Variants in GEMIN4 observed in about 807,000 individuals in gnomAD.
The protein encoded by GEMIN4 is gem nuclear organelle associated protein 4, also known as gem-associated protein 4.
A neutral mutation model predicts 76.8 loss-of-function variants in GEMIN4; 59 were observed. That is an observed-to-expected ratio of 0.77 (90% CI 0.62 to 0.95). GEMIN4 has a LOEUF of 0.95. Ranked by LOEUF, GEMIN4 falls within the 40% of genes least tolerant of loss-of-function variation. The pLI is 0.00. For missense variants in GEMIN4, 1,311 were observed against 1,318.9 expected (o/e 0.99, Z 0.09); for synonymous variants, 562 against 559.7 (o/e 1.00, Z -0.06).
At chr17:751,285 G>A (rs965819222) in intron 1 of GEMIN4, among the ~76,000 whole-genome samples, 1 of 152,140 alleles carries the variant, frequency 6.6e-6, no homozygotes, top group Admixed American at 6.6e-5. Context: ...ATTTGCTGAG[G>A]GTGTCCCAGC....
Position 745,526 on chromosome 17 carries a change from G to A in GEMIN4, c.2517C>T (p.Asp839=), listed in dbSNP as rs758986493. The A allele has an allele frequency of 1.1e-5, 18 of 1,612,172 alleles. No individual in the cohort carries two copies. The highest frequency in any genetic ancestry group is 1.6e-4 in the Middle Eastern group (1 of 6,062). The change falls in exon 2 of 2, where the codon GAC becomes GAT. Residue 839 remains aspartate (D), a synonymous_variant. Coordinates refer to ENST00000319004, the MANE Select transcript of GEMIN4 (RefSeq NM_015721.3). The surrounding 1 kb of genome is among the most constrained non-coding windows in gnomAD (Gnocchi z 4.6). ...GTCTGACCTCCTCAGGATTGCCCAC[G>A]TCCACCACCAAGAGAGACAGCATCC... ...SERMLSLLVV[D]VGNPEEVRLF...
chr17:747,811 G>A lies in GEMIN4; in HGVS notation c.232C>T (p.Leu78=). ...GACGGGGTCACGGGGTGCGGCTGCA[G>A]AACCTTGGCCCAGATGATGATCAGG... ...KALIIIWAKV[L]QPHPVTPSDT... Residue 78 remains leucine (L), a synonymous_variant, in exon 2 of 2, where the codon CTG becomes TTG. Transcript: ENST00000319004. The A allele has an allele frequency of 1.2e-6, 2 of 1,613,664 alleles. No homozygotes were observed.
chr17:744,597 G>A lies in GEMIN4; in HGVS notation c.*269C>T. On this transcript the variant is annotated 3_prime_UTR_variant, in exon 2 of 2. Coordinates refer to ENST00000319004, the MANE Select transcript of GEMIN4 (RefSeq NM_015721.3). ...TATTTAATCCTGGGCTATTGCTGAG[G>A]CCGACTTAGAAGAGACAAAGTGAGA... The A allele has an allele frequency of 2.9e-6, 1 of 345,146 alleles. No individual in the cohort carries two copies. Among genetic ancestry groups the A allele is most frequent in the Admixed American group, 4.4e-5 (1 of 22,770 alleles). 21.4% of individuals were successfully genotyped at this position (345,146 alleles called of 1,614,324 possible). A position where few individuals can be genotyped will look rare whatever the true frequency, so the allele number is the denominator to read the frequency against.
At chr17:748,148 G>T in intron 1 of GEMIN4, 116 bp from the exon 2 acceptor site, 1 of 772,146 alleles carries the variant, frequency 1.3e-6, no homozygotes. Context: ...ATCAGCGGAC[G>T]GGGAGAAGGG....
rs200379895 is a variant in GEMIN4 at position 744,975 on chromosome 17, C to T, written c.3068G>A (p.Ser1023Asn). Residue 1023 changes from serine to asparagine, a missense_variant, in exon 2 of 2, where the codon AGC (serine) becomes AAC (asparagine). Ser to Asn is a conservative substitution (Grantham distance 46). Around this residue, in one of 2 missense-constraint regions of GEMIN4, gnomAD observed 1,208 missense variants for 1,166.9 expected, o/e 1.04. Coordinates refer to ENST00000319004, the MANE Select transcript of GEMIN4 (RefSeq NM_015721.3). ...CTCGTGTGCCCTCTGGAGCAAGGAGCTGACAGAAGGGTTGGTCTTGCTCAA... is the reference window on the plus strand; with the variant it reads ...CTCGTGTGCCCTCTGGAGCAAGGAGTTGACAGAAGGGTTGGTCTTGCTCAA... ...ETLSKTNPSV[S>N]SLLQRAHEQR... 476 of 1,613,942 alleles carry T rather than the reference C, an allele frequency of 2.9e-4. No homozygotes were observed. Among genetic ancestry groups the T allele is most frequent in the Non-Finnish European group, 3.8e-4 (453 of 1,179,876 alleles).
upstream of GEMIN4, chr17:752,833 T>G (rs1255831306): frequency 6.4e-6 from 1 of 156,256 alleles, no homozygotes; most frequent in Non-Finnish European, 1.4e-5. Context: ...TAACAGCCAC[T>G]CCAACTCTCC....
intron 1 of GEMIN4, chr17:748,635 T>A (rs1904419900): frequency 4.6e-6 from 1 of 218,410 alleles, no homozygotes; most frequent in Admixed American, 5.4e-5. Context: ...TCATGACAGA[T>A]GAAGGGAGCA....
In GEMIN4 at chr17:746,400, G is replaced by A. The variant is rs775841183; in HGVS notation, c.1643C>T (p.Ser548Phe). ...SEQGLAKAVASVARLVIVHPE... is the reference protein window; with the variant it reads ...SEQGLAKAVAFVARLVIVHPE... ...GTGCACTATGACCAGGCGGGCCACG[G>A]AGGCCACAGCTTTTGCCAAGCCCTG... The change falls in exon 2 of 2, where the codon TCC becomes TTC. Residue 548 changes from serine to phenylalanine, a missense_variant. Ser to Phe is a radical substitution (Grantham distance 155, BLOSUM62 -2). This residue lies in a region of GEMIN4 where 1,208 missense variants were observed against 1,166.9 expected (regional missense o/e 1.04). Transcript: ENST00000319004. The surrounding 1 kb of genome is among the most constrained non-coding windows in gnomAD (Gnocchi z 4.3). 3.7e-6 allele frequency: 6 copies of A among 1,613,800 alleles called. No individual in the cohort carries two copies. In the East Asian group the frequency reaches 1.3e-4, roughly 36 times the overall value.
rs1038623559 is a variant in GEMIN4, at chr17:745,021, T to C, written c.3022A>G (p.Thr1008Ala). The change falls in exon 2 of 2, where the codon ACC (threonine) becomes GCC (alanine). Residue 1008 changes from threonine to alanine, a missense_variant. By Grantham distance (58) the Thr-to-Ala change is moderately conservative (BLOSUM62 0). Transcript: ENST00000319004. This position sits in a 1 kb window ranked among gnomAD's most constrained non-coding sequence, Gnocchi z 4.6. ...CTCAAAGTCTCATAGCAGGTGAGGG[T>C]TTCCAAGGCTAAAACGTAGAGTGGC... ...CEPLYVLALE[T>A]LTCYETLSKT... The C allele has an allele frequency of 1.9e-6, 3 of 1,613,478 alleles. No individual in the cohort carries two copies. The Admixed American group carries it at 5.0e-5, about 27-fold the overall frequency.
chr17:747,052 A>G lies in GEMIN4; in HGVS notation c.991T>C (p.Leu331=), dbSNP rs879014560. The G allele has an allele frequency of 6.2e-7, 1 of 1,611,854 alleles. No individual in the cohort carries two copies. Among genetic ancestry groups the G allele is most frequent in the Non-Finnish European group, 8.5e-7 (1 of 1,179,498 alleles). ...TGGCTGCTGCGGAGCACGGCCTGCA[A>G]CTCCTCCCCCCACTCCCGCAGCAGG... ...HHLLREWGEE[L]QAVLRSSQGT... The change falls in exon 2 of 2, where the codon TTG becomes CTG. Residue 331 remains leucine (L), a synonymous_variant. Transcript: ENST00000319004.
At position 746,104 on chromosome 17, in the gene GEMIN4, CAAG is replaced by C. The variant is rs776310179; in HGVS notation, c.1936_1938del (p.Leu646del). On this transcript the variant is annotated inframe_deletion, in exon 2 of 2. Coordinates refer to ENST00000319004, the MANE Select transcript of GEMIN4 (RefSeq NM_015721.3). The surrounding 1 kb of genome is among the most constrained non-coding windows in gnomAD (Gnocchi z 4.3). ...AATTCCTTCAGCACCTCGTCTGGCTCAAGAAGAGCAGCCACTGGAATCCCTTGG... is the reference window on the plus strand; with the variant it reads ...AATTCCTTCAGCACCTCGTCTGGCTCAAGAGCAGCCACTGGAATCCCTTGG... 2.5e-6 allele frequency: 4 copies of C among 1,613,818 alleles called. No individual in the cohort carries two copies. Among genetic ancestry groups the C allele is most frequent in the Non-Finnish European group, 2.5e-6 (3 of 1,179,886 alleles).
intron 1 of GEMIN4, among the ~76,000 whole-genome samples, chr17:750,851 C>T (rs750438146): frequency 7.2e-5 from 11 of 152,212 alleles, no homozygotes; most frequent in Non-Finnish European, 8.8e-5. Flanking sequence ...CTGAGACCGA[C>T]TCCCAGGGAG....
chr17:744,842 T>G lies in GEMIN4; in HGVS notation c.*24A>C, dbSNP rs1974324121. 2 of 1,590,376 alleles carry G rather than the reference T, an allele frequency of 1.3e-6. No homozygotes were observed. The highest frequency in any genetic ancestry group is 1.7e-6 in the Non-Finnish European group (2 of 1,169,748). On this transcript the variant is annotated 3_prime_UTR_variant, in exon 2 of 2. Coordinates refer to ENST00000319004, the MANE Select transcript of GEMIN4 (RefSeq NM_015721.3). ...CTGATCTTCTGCAGACCCGCCATGT[T>G]GGGGCCCAGCTCCCCACGCCAAGTC...
intron 1 of GEMIN4, 129 bp from the exon 2 acceptor site, chr17:748,161 GACT>G (rs1904377838): frequency 2.9e-6 from 2 of 695,072 alleles, no homozygotes; most frequent in Non-Finnish European, 4.7e-6. Flanking sequence ...GAGAAGGGAT[GACT>G]ACAAGAGCCA....
In GEMIN4 at chr17:746,319, T is replaced by A. The variant is rs542942969; in HGVS notation, c.1724A>T (p.His575Leu). ...AGTGAGAATCTGGGCCAGGAACTTG[T>A]GGGTGCCGAGATTGACCACAGCCAG... ...CSLAVVNLGTHKFLAQILTAF... is the reference protein window; with the variant it reads ...CSLAVVNLGTLKFLAQILTAF... Residue 575 changes from histidine to leucine, a missense_variant, in exon 2 of 2, where the codon CAC (histidine) becomes CTC (leucine). Transcript: ENST00000319004. This position sits in a 1 kb window ranked among gnomAD's most constrained non-coding sequence, Gnocchi z 4.3. 2 of 1,613,770 alleles carry A rather than the reference T, an allele frequency of 1.2e-6. No homozygotes were observed. The highest frequency in any genetic ancestry group is 1.7e-5 in the Admixed American group (1 of 60,024).
intron 1 of GEMIN4, chr17:751,821 G>A: frequency 5.6e-6 from 2 of 355,198 alleles, no homozygotes; most frequent in East Asian, 4.1e-5. Flanking sequence ...GCGCCCAGGG[G>A]TGCTCGGAGG....
rs371089123 is a variant in GEMIN4 at position 752,175 on chromosome 17, G to A, written c.-33C>T. 2 of 1,233,354 alleles carry A rather than the reference G, an allele frequency of 1.6e-6. No homozygotes were observed. Among genetic ancestry groups the A allele is most frequent in the Non-Finnish European group, 2.0e-6 (2 of 987,952 alleles). 76.4% of individuals were successfully genotyped at this position (1,233,354 alleles called of 1,614,324 possible). On this transcript the variant is annotated 5_prime_UTR_variant, in exon 1 of 2. Coordinates refer to ENST00000319004, the MANE Select transcript of GEMIN4 (RefSeq NM_015721.3). ...ACGCCGGCGGCTGCGCGGGGCTAAC[G>A]CCCCCTCCCCTCCGAGAACTCGAAC...
At position 745,783 on chromosome 17, in the gene GEMIN4, T is replaced by C; in HGVS notation, c.2260A>G (p.Lys754Glu). ...TTGCGGTGGAGCCAGGACAGGGACT[T>C]GATCCAGACATCCGGGGAGAAGGTC... ...AETFSPDVWI[K>E]SLSWLHRKLE... Residue 754 changes from lysine to glutamate, a missense_variant, in exon 2 of 2, where the codon AAG (lysine) becomes GAG (glutamate). Physicochemically the swap from Lys to Glu is moderately conservative, Grantham distance 56. Around this residue, in one of 2 missense-constraint regions of GEMIN4, gnomAD observed 1,208 missense variants for 1,166.9 expected, o/e 1.04. Transcript: ENST00000319004. This position sits in a 1 kb window ranked among gnomAD's most constrained non-coding sequence, Gnocchi z 4.6. 6.2e-7 allele frequency: 1 copy of C among 1,612,388 alleles called. No homozygotes were observed. The highest frequency in any genetic ancestry group is 1.1e-5 in the South Asian group (1 of 90,798).
chr17:754,172 C>T (rs1446947202), upstream of GEMIN4: 1 of 152,234 alleles, frequency 6.6e-6, no homozygotes, highest in Non-Finnish European at 1.5e-5. Context: ...GGACAATATG[C>T]ATATGGATGT....
Sources: allele counts gnomAD v4.1 joint callset (sites outside exome capture counted in the v4.1 genomes callset), GRCh38; gene constraint gnomAD v4.1.1; regional missense constraint gnomAD v4.1.1; non-coding constraint Gnocchi (gnomAD v3.1); transcripts MANE v1.5; gene names NCBI Gene and HGNC (gene_info 2026-07-23, HGNC 2026-07-21).